SRPK2: variants seen among roughly 807,000 people sequenced by gnomAD.
SRPK2 encodes the protein SRSF protein kinase 2, also known as SFRS protein kinase 2.
SRPK2 carries 21 observed loss-of-function variants against 90.8 expected under a neutral mutation model. The observed-to-expected ratio is 0.23, with a 90% CI of 0.16 to 0.33. The LOEUF (loss-of-function observed/expected upper bound fraction) is 0.33. Ranked by LOEUF, SRPK2 falls within the 10% of genes least tolerant of loss-of-function variation. The pLI is 1.00. For missense variants in SRPK2, 620 were observed against 869.0 expected, an observed-to-expected ratio of 0.71 and a Z score of 3.60; for synonymous variants, 288 against 311.1, an observed-to-expected ratio of 0.93 and a Z score of 0.78.
chr7:105,216,373 G>A (rs1362994703), intron 2 of SRPK2, among the ~76,000 whole-genome samples: 1 of 152,134 alleles, frequency 6.6e-6, no homozygotes, highest in Non-Finnish European at 1.5e-5. Context: ...AAGGAACTCA[G>A]TGACTGGTGA....
intron 3 of SRPK2, among the ~76,000 whole-genome samples, chr7:105,180,960 TACAA>T (rs1321790698): frequency 1.3e-5 from 2 of 152,008 alleles, no homozygotes; most frequent in Non-Finnish European, 2.9e-5. Context: ...CAGAAATATT[TACAA>T]ACAAAGCATC....
chr7:105,369,006 G>A (rs533671992), intron 2 of SRPK2, among the ~76,000 whole-genome samples: 4 of 151,882 alleles, frequency 2.6e-5, no homozygotes, highest in Admixed American at 2.6e-4. Flanking sequence ...GCCTTGGGGA[G>A]CACCCCAATG....
intron 2 of SRPK2, among the ~76,000 whole-genome samples, chr7:105,222,459 A>T (rs1256620686): frequency 4.6e-5 from 7 of 152,252 alleles, no homozygotes; most frequent in Admixed American, 2.0e-4. Context: ...GTAAAATTTA[A>T]CCAAACAATA....
At chr7:105,124,958 C>G (rs1230775399) in intron 15 of SRPK2, among the ~76,000 whole-genome samples, 9 of 151,526 alleles carry the variant, frequency 5.9e-5, no homozygotes, top group East Asian at 1.9e-4. Flanking sequence ...ACAGTGAAAC[C>G]CTGTCTCTAC....
At chr7:105,247,525 CACATAA>C (rs1289659915) in intron 2 of SRPK2, among the ~76,000 whole-genome samples, 4 of 103,056 alleles carry the variant, frequency 3.9e-5, no homozygotes, top group African/African-American at 7.1e-5. Context: ...AACACACACA[CACATAA>C]ACACACACAC....
intron 2 of SRPK2, among the ~76,000 whole-genome samples, chr7:105,355,814 G>A (rs1817719926): frequency 6.6e-6 from 1 of 152,074 alleles, no homozygotes; most frequent in Non-Finnish European, 1.5e-5. Flanking sequence ...TTGGGAGGCT[G>A]AGGCAAGCAG....
At chr7:105,395,517 G>A (rs1239628423) in intron 1 of SRPK2, among the ~76,000 whole-genome samples, 1 of 151,874 alleles carries the variant, frequency 6.6e-6, no homozygotes, top group Non-Finnish European at 1.5e-5. Context: ...ATCACCTGAG[G>A]TCAGGAGTTC....
At chr7:105,140,917 C>T (rs916482629) in intron 11 of SRPK2, among the ~76,000 whole-genome samples, 3 of 151,786 alleles carry the variant, frequency 2.0e-5, no homozygotes, top group Admixed American at 1.3e-4. Flanking sequence ...GCCGAGATCG[C>T]GCCACTGCAC....
At chr7:105,156,922 A>T (rs1339415757) in intron 7 of SRPK2, among the ~76,000 whole-genome samples, 1 of 152,218 alleles carries the variant, frequency 6.6e-6, no homozygotes, top group Admixed American at 6.5e-5. Flanking sequence ...CCAAGCTCTT[A>T]ACAACTCCAT....
intron 2 of SRPK2, among the ~76,000 whole-genome samples, chr7:105,249,362 A>C (rs575424954): frequency 1.1e-4 from 17 of 152,300 alleles, no homozygotes; most frequent in African/African-American, 4.1e-4. Context: ...TTTTTTAAAG[A>C]ACTAAATAGT....
chr7:105,362,740 T>A (rs1818580478), intron 2 of SRPK2, among the ~76,000 whole-genome samples: 1 of 152,098 alleles, frequency 6.6e-6, no homozygotes, highest in African/African-American at 2.4e-5. Flanking sequence ...TAAAGACACA[T>A]GTACATGTAT....
intron 2 of SRPK2, chr7:105,332,823 GAAC>G (rs1183204189): frequency 2.0e-5 from 3 of 151,500 alleles, no homozygotes; most frequent in Non-Finnish European, 4.4e-5. Context: ...ACTAAAATTG[GAAC>G]AATACAGAAA....
Position 105,169,261 on chromosome 7 carries a change from T to A in SRPK2, c.234A>T (p.Gly78=). ...GGTCTCCAATTTTCACTGGATGATA[T>A]CCACCTTAAAAAACAAGAAAGAAAG... ...QEDPADYCKG[G]YHPVKIGDLF... The change falls in exon 4 of 16, where the codon GGA becomes GGT. Residue 78 remains glycine, a synonymous_variant. Transcript: ENST00000393651. The A allele has an allele frequency of 6.2e-7, 1 of 1,610,492 alleles. No individual in the cohort carries two copies. The highest frequency in any genetic ancestry group is 8.5e-7 in the Non-Finnish European group (1 of 1,178,528).
chr7:105,397,671 TCTCA>T (rs1461795649), intron 1 of SRPK2, among the ~76,000 whole-genome samples: 1 of 150,942 alleles, frequency 6.6e-6, no homozygotes, highest in Non-Finnish European at 1.5e-5. Flanking sequence ...GGAGACTGAG[TCTCA>T]CTCTATCACC....
intron 2 of SRPK2, chr7:105,301,729 A>G: frequency 5.0e-6 from 8 of 1,607,836 alleles, no homozygotes; most frequent in Admixed American, 1.7e-5. Context: ...TTTTTTAACA[A>G]CACCGTATCA....
chr7:105,291,003 A>G (rs1350086644), intron 2 of SRPK2, among the ~76,000 whole-genome samples: 3 of 138,522 alleles, frequency 2.2e-5, no homozygotes, highest in African/African-American at 8.0e-5. Flanking sequence ...GCGCCACTGC[A>G]GTCCGCAGTC....
intron 3 of SRPK2, among the ~76,000 whole-genome samples, chr7:105,193,895 A>G (rs1794605537): frequency 6.6e-6 from 1 of 152,216 alleles, no homozygotes; most frequent in South Asian, 2.1e-4. Flanking sequence ...CAAAGGTTTT[A>G]TGTGTACGAT....
At chr7:105,393,635 G>A (rs900267009), upstream of SRPK2, among the ~76,000 whole-genome samples, 10 of 151,064 alleles carry the variant, frequency 6.6e-5, no homozygotes, top group Non-Finnish European at 1.0e-4. Context: ...CACCACATTC[G>A]GCCTTTTTAT....
At position 105,291,797 on chromosome 7, in the gene SRPK2, G is replaced by A. The variant is rs117827531; in HGVS notation, c.72-88012C>T. On this transcript the variant is annotated intron_variant, in intron 2 of 15. Coordinates refer to ENST00000393651, the MANE Select transcript of SRPK2 (RefSeq NM_182692.3). ...ATAAAAAACATACAGAAAGTAAAGC[G>A]AGAGGAAAAATTAACAGCATGAATA... Among the ~76,000 whole-genome samples the A allele has an allele frequency of 2.8e-3, 431 of 152,136 alleles. 11 individuals carry two copies. The East Asian group carries it at 0.055, about 20-fold the overall frequency.
Sources: gnomAD v4.1 joint callset for allele counts (sites outside exome capture counted in the v4.1 genomes callset) on GRCh38, gnomAD v4.1.1 for gene constraint, MANE v1.5 for transcripts, NCBI Gene and HGNC (gene_info 2026-07-23, HGNC 2026-07-21) for gene names.